The following DLGAP2 variants were observed in gnomAD, a reference collection of about 807,000 sequenced individuals.
DLGAP2 encodes disks large-associated protein 2.
Under a neutral mutation model 100.3 loss-of-function variants are expected in DLGAP2, and 26 were observed. That is an observed-to-expected ratio of 0.26 (90% CI 0.19 to 0.36). The LOEUF (loss-of-function observed/expected upper bound fraction) is 0.36, where lower values mean the gene tolerates loss of function less well. Among genes scored for constraint, DLGAP2 ranks in the 10% least tolerant of loss-of-function variants. The probability of loss-of-function intolerance (pLI) is 1.00; values close to 1 mark genes in which losing one functional copy is unlikely to be tolerated. For missense variants in DLGAP2, 1,858 were observed against 1,453.2 expected (o/e 1.28, Z -4.53); for synonymous variants, 886 against 630.1 (o/e 1.41, Z -6.08).
chr8:802,061 G>A (rs1370581555), intron 1 of DLGAP2, among the ~76,000 whole-genome samples: 302 of 113,462 alleles, frequency 2.7e-3, no homozygotes, highest in African/African-American at 6.4e-3. Flanking sequence ...GGAACAGTCT[G>A]CACCCCTCCT....
At chr8:1,289,231 T>C (rs146901794) in intron 3 of DLGAP2, among the ~76,000 whole-genome samples, 1 of 152,290 alleles carries the variant, frequency 6.6e-6, no homozygotes, top group East Asian at 1.9e-4. Context: ...ATTTAAAGAT[T>C]GGATGAGGTA....
At chr8:1,029,542 C>T (rs192094947) in intron 2 of DLGAP2, among the ~76,000 whole-genome samples, 5 of 151,912 alleles carry the variant, frequency 3.3e-5, no homozygotes, top group Admixed American at 2.0e-4. Flanking sequence ...GGACGACCAA[C>T]GGTGTCCAGC....
chr8:1,076,036 A>T (rs1305890410), intron 2 of DLGAP2, among the ~76,000 whole-genome samples: 1 of 152,184 alleles, frequency 6.6e-6, no homozygotes, highest in South Asian at 2.1e-4. Context: ...TGTGTCTCTC[A>T]AAGAGAAAGA....
At chr8:858,708 CAT>C (rs1418212843) in intron 1 of DLGAP2, among the ~76,000 whole-genome samples, 4 of 150,406 alleles carry the variant, frequency 2.7e-5, no homozygotes, top group East Asian at 2.0e-4. Context: ...ATTGTAGGGA[CAT>C]GTGTGATGCT....
chr8:889,445 GC>G (rs979878843), intron 1 of DLGAP2, among the ~76,000 whole-genome samples: 3 of 152,294 alleles, frequency 2.0e-5, no homozygotes, highest in Admixed American at 1.3e-4. Flanking sequence ...GCAGCTAGGG[GC>G]TCAGGCCTAG....
Position 1,241,013 on chromosome 8 carries a change from A to T in DLGAP2, c.74-17838A>T, listed in dbSNP as rs78001288. ...ATGGTGCTGTGTCTAGTTCTCTCTC[A>T]CACATAGCGTCATGTATAGTTCTGT... On this transcript the variant is annotated intron_variant, in intron 2 of 14. Transcript: ENST00000637795. Among the ~76,000 whole-genome samples, 2 of 5,176 alleles carry T rather than the reference A, an allele frequency of 3.9e-4. 1 individual carries two copies. The highest frequency in any genetic ancestry group is 2.4e-3 in the African/African-American group (2 of 850). 3.4% of individuals were successfully genotyped at this position (5,176 alleles called of 152,430 possible). A position where few individuals can be genotyped will look rare whatever the true frequency, so the allele number is the denominator to read the frequency against.
intron 3 of DLGAP2, among the ~76,000 whole-genome samples, chr8:1,364,843 G>A (rs1051527608): frequency 8.5e-5 from 13 of 152,302 alleles, no homozygotes; most frequent in East Asian, 1.9e-4. Flanking sequence ...AGGGCTTTGC[G>A]TTTGCTGATC....
At chr8:1,283,655 T>C (rs1799866299) in intron 3 of DLGAP2, among the ~76,000 whole-genome samples, 1 of 152,224 alleles carries the variant, frequency 6.6e-6, no homozygotes, top group Admixed American at 6.5e-5. Context: ...AGCTTTCCTT[T>C]TGTGAAAATG....
intron 3 of DLGAP2, among the ~76,000 whole-genome samples, chr8:1,388,004 C>T (rs1796258047): frequency 6.6e-6 from 1 of 152,220 alleles, no homozygotes; most frequent in Admixed American, 6.5e-5. Context: ...GGGCGCAGAG[C>T]TGCTGGAGAC....
intron 2 of DLGAP2, among the ~76,000 whole-genome samples, chr8:1,194,293 C>A (rs1467418336): frequency 6.6e-6 from 1 of 152,100 alleles, no homozygotes; most frequent in East Asian, 1.9e-4. Flanking sequence ...CTGCAAGAGA[C>A]AAGCAGACGT....
At chr8:1,010,641 G>T (rs1230161850) in intron 2 of DLGAP2, among the ~76,000 whole-genome samples, 1 of 152,238 alleles carries the variant, frequency 6.6e-6, no homozygotes, top group Non-Finnish European at 1.5e-5. Context: ...CTGCAAGAAT[G>T]GGTGAGGCTT....
chr8:998,619 G>C (rs892634050), intron 2 of DLGAP2, among the ~76,000 whole-genome samples: 15 of 152,068 alleles, frequency 9.9e-5, no homozygotes, highest in Middle Eastern at 3.4e-3. Context: ...TTTTTACTTT[G>C]ATCTCTTTGC....
chr8:829,596 A>G (rs1295214980), intron 1 of DLGAP2, among the ~76,000 whole-genome samples: 1 of 152,220 alleles, frequency 6.6e-6, no homozygotes, highest in Non-Finnish European at 1.5e-5. Context: ...AATCGTGAAA[A>G]CTATAAATTA....
chr8:1,161,783 G>A (rs112844421), intron 2 of DLGAP2, among the ~76,000 whole-genome samples: 59 of 152,244 alleles, frequency 3.9e-4, no homozygotes, highest in African/African-American at 1.3e-3. Flanking sequence ...GTGCACCCAC[G>A]GGGCTCCTGG....
At chr8:1,440,508 GA>G (rs376050888) in intron 3 of DLGAP2, among the ~76,000 whole-genome samples, 7 of 152,360 alleles carry the variant, frequency 4.6e-5, no homozygotes, top group African/African-American at 1.2e-4. Context: ...AGAAAACCCA[GA>G]GAGTCTGAGT....
Position 1,678,346 on chromosome 8 carries a change from C to G in DLGAP2, c.2421C>G (p.Ser807=), listed in dbSNP as rs755621517. The change falls in exon 12 of 15, where the codon TCC becomes TCG. Residue 807 remains serine (S), a synonymous_variant. Coordinates refer to ENST00000637795, the MANE Select transcript of DLGAP2 (RefSeq NM_001346810.2). ...TCGGCTCATCCTTCCAGCGGCACTCCGAGCCCAGCACCCCCACCCAGTACA... is the reference window on the plus strand; with the variant it reads ...TCGGCTCATCCTTCCAGCGGCACTCGGAGCCCAGCACCCCCACCCAGTACA... The part of the protein sequence containing the change: ...LQFGSSFQRH[S]EPSTPTQYSA... 1 of 1,613,994 alleles carries G rather than the reference C, an allele frequency of 6.2e-7. No homozygotes were observed. Among genetic ancestry groups the G allele is most frequent in the Non-Finnish European group, 8.5e-7 (1 of 1,179,898 alleles).
At chr8:1,465,442 G>A (rs1798598392) in intron 3 of DLGAP2, among the ~76,000 whole-genome samples, 1 of 150,796 alleles carries the variant, frequency 6.6e-6, no homozygotes, top group Admixed American at 6.6e-5. Context: ...GAGGGAAGGG[G>A]CGTGGGGTTC....
chr8:1,570,998 AAG>A lies in DLGAP2; in HGVS notation c.1442+5111_1442+5112del, dbSNP rs148603297. Among the ~76,000 whole-genome samples, 761 of 124,600 alleles carry A rather than the reference AAG, an allele frequency of 6.1e-3. 5 individuals carry two copies. The highest frequency in any genetic ancestry group is 0.01 in the Non-Finnish European group (615 of 60,778). The allele number at this position is 124,600 out of a possible 152,430, so 81.7% of individuals were successfully genotyped here. A position where few individuals can be genotyped will look rare whatever the true frequency, so the allele number is the denominator to read the frequency against. On this transcript the variant is annotated intron_variant, in intron 6 of 14. Transcript: ENST00000637795. The stretch of plus-strand genomic sequence containing the variant: ...CTGTGGGGCGTCTGATGAGATGGAG[AAG>A]AGAGAGCGGTGAACTGGAGGGGCAT...
chr8:851,054 A>G (rs1797174343), intron 1 of DLGAP2, among the ~76,000 whole-genome samples: 1 of 152,230 alleles, frequency 6.6e-6, no homozygotes, highest in Non-Finnish European at 1.5e-5. Flanking sequence ...CTCTGTATCA[A>G]AACAACATGT....
Sources: gnomAD v4.1 joint callset for allele counts (sites outside exome capture counted in the v4.1 genomes callset) on GRCh38, gnomAD v4.1.1 for gene constraint, MANE v1.5 for transcripts, NCBI Gene and HGNC (gene_info 2026-07-23, HGNC 2026-07-21) for gene names.